Variants in ZFPM2 observed in about 807,000 individuals in gnomAD.
The protein encoded by ZFPM2 is zinc finger protein, FOG family member 2, also known as zinc finger protein ZFPM2.
In ZFPM2, 20 loss-of-function variants were observed where a neutral mutation model predicts 98.6. That is an observed-to-expected ratio of 0.20 (90% CI 0.14 to 0.29). The LOEUF is 0.29. Ranked by LOEUF, ZFPM2 falls within the 10% of genes least tolerant of loss-of-function variation. ZFPM2 has a pLI of 1.00. For synonymous variants in ZFPM2, 518 were observed against 502.7 expected (o/e 1.03, Z -0.41); for missense variants, 1,310 against 1,388.6 (o/e 0.94, Z 0.90).
rs560950514 is a variant in ZFPM2, at chr8:105,664,270, A to G, written c.532+29913A>G. Among the ~76,000 whole-genome samples, 80 of 152,178 alleles carry G rather than the reference A, an allele frequency of 5.3e-4. 1 individual carries two copies. The highest frequency in any genetic ancestry group is 4.5e-3 in the Admixed American group (68 of 15,268). On this transcript the variant is annotated intron_variant, in intron 5 of 7. Coordinates refer to ENST00000407775, the MANE Select transcript of ZFPM2 (RefSeq NM_012082.4). The stretch of plus-strand genomic sequence containing the variant: ...CAAATGCTAACACATTCATTATACC[A>G]TATCAAATAATCACTTTCATTACAC...
chr8:105,436,469 G>A (rs1812121022), intron 2 of ZFPM2, among the ~76,000 whole-genome samples: 1 of 148,210 alleles, frequency 6.7e-6, no homozygotes, highest in Admixed American at 6.8e-5. Flanking sequence ...CCAAGATGGA[G>A]CCATTGCACT....
chr8:105,663,583 G>C (rs1194562495), intron 5 of ZFPM2, among the ~76,000 whole-genome samples: 1 of 152,098 alleles, frequency 6.6e-6, no homozygotes, highest in African/African-American at 2.4e-5. Flanking sequence ...CTACTATTAT[G>C]ATGATATTAC....
At chr8:105,697,173 C>T (rs1213825744) in intron 5 of ZFPM2, among the ~76,000 whole-genome samples, 2 of 151,620 alleles carry the variant, frequency 1.3e-5, no homozygotes, top group African/African-American at 4.8e-5. Flanking sequence ...TTTATAGTTC[C>T]ACTTCTGTCT....
At chr8:105,532,948 G>A (rs988088914) in intron 3 of ZFPM2, among the ~76,000 whole-genome samples, 1 of 151,998 alleles carries the variant, frequency 6.6e-6, no homozygotes, top group Non-Finnish European at 1.5e-5. Flanking sequence ...GGGGTGGCAG[G>A]GAATGTCTGT....
chr8:105,668,374 A>G (rs1191413059), intron 5 of ZFPM2, among the ~76,000 whole-genome samples: 3 of 152,342 alleles, frequency 2.0e-5, no homozygotes, highest in Admixed American at 6.5e-5. Context: ...CTACCTTGCA[A>G]AGTAGCAGTG....
chr8:105,385,002 T>C lies in ZFPM2; in HGVS notation c.41-34142T>C, dbSNP rs146829863. On this transcript the variant is annotated intron_variant, in intron 1 of 7. Coordinates refer to ENST00000407775, the MANE Select transcript of ZFPM2 (RefSeq NM_012082.4). ...AGAGTTATTGTCATTATTGTCTCTG[T>C]TTTATCGATGATTAAACTGAGACCT... 2.0e-3 allele frequency among the ~76,000 whole-genome samples: 311 copies of C among 152,324 alleles called. 1 individual carries two copies. Among genetic ancestry groups the C allele is most frequent in the African/African-American group, 7.1e-3 (296 of 41,580 alleles).
intron 3 of ZFPM2, among the ~76,000 whole-genome samples, chr8:105,453,752 T>C (rs1812531678): frequency 1.3e-5 from 2 of 151,936 alleles, no homozygotes; most frequent in South Asian, 4.1e-4. Context: ...AGTGATTCTC[T>C]TGCGTCAGCC....
intron 3 of ZFPM2, among the ~76,000 whole-genome samples, chr8:105,461,948 A>G (rs1812711475): frequency 6.6e-6 from 1 of 152,242 alleles, no homozygotes; most frequent in Non-Finnish European, 1.5e-5. Context: ...TTTTTCATAC[A>G]ATGAGCTCTT....
At chr8:105,738,175 C>T (rs552226804) in intron 5 of ZFPM2, among the ~76,000 whole-genome samples, 1 of 152,068 alleles carries the variant, frequency 6.6e-6, no homozygotes, top group East Asian at 2.0e-4. Context: ...TCCTCCCACC[C>T]TCAATCCTCT....
intron 4 of ZFPM2, among the ~76,000 whole-genome samples, chr8:105,587,984 A>T (rs1422191386): frequency 6.6e-6 from 1 of 152,184 alleles, no homozygotes; most frequent in Non-Finnish European, 1.5e-5. Context: ...ATGGATTATG[A>T]AAACACGAGC....
At chr8:105,543,211 C>T (rs528646347) in intron 3 of ZFPM2, among the ~76,000 whole-genome samples, 1 of 152,144 alleles carries the variant, frequency 6.6e-6, no homozygotes, top group Non-Finnish European at 1.5e-5. Flanking sequence ...CAAGGCCGGG[C>T]GTGGTAGCTC....
At chr8:105,378,146 A>G (rs1454308642) in intron 1 of ZFPM2, among the ~76,000 whole-genome samples, 3 of 152,200 alleles carry the variant, frequency 2.0e-5, no homozygotes, top group Non-Finnish European at 4.4e-5. Flanking sequence ...AGAAAATTAA[A>G]TGGAAAGAGC....
intron 5 of ZFPM2, among the ~76,000 whole-genome samples, chr8:105,655,485 C>A (rs1159754664): frequency 2.0e-5 from 3 of 152,114 alleles, no homozygotes; most frequent in Non-Finnish European, 4.4e-5. Context: ...CCCACTTCAG[C>A]CTCCCAAAGT....
intron 5 of ZFPM2, among the ~76,000 whole-genome samples, chr8:105,741,163 G>A (rs1812206753): frequency 6.6e-6 from 1 of 152,036 alleles, no homozygotes; most frequent in Admixed American, 6.6e-5. Context: ...GAGGAGCCAA[G>A]GGAAGAAAGT....
intron 1 of ZFPM2, chr8:105,387,634 A>C (rs1424856040): frequency 6.6e-6 from 1 of 152,196 alleles, no homozygotes; most frequent in Non-Finnish European, 1.5e-5. Flanking sequence ...CTGACCCGCA[A>C]GCGCTGTGCG....
At chr8:105,434,374 A>G (rs1812080730) in intron 2 of ZFPM2, among the ~76,000 whole-genome samples, 1 of 152,206 alleles carries the variant, frequency 6.6e-6, no homozygotes, top group African/African-American at 2.4e-5. Context: ...CTATTAAGCA[A>G]AGCAAACACA....
chr8:105,410,730 G>C (rs1285345850), intron 1 of ZFPM2, among the ~76,000 whole-genome samples: 11 of 151,694 alleles, frequency 7.3e-5, no homozygotes, highest in Non-Finnish European at 1.3e-4. Flanking sequence ...GTGTATATGT[G>C]GTATCTCATA....
chr8:105,723,265 T>G (rs1166404753), intron 5 of ZFPM2, among the ~76,000 whole-genome samples: 1 of 151,916 alleles, frequency 6.6e-6, no homozygotes, highest in Non-Finnish European at 1.5e-5. Context: ...CCAGTAGGAA[T>G]TGATTGTTTG....
intron 2 of ZFPM2, among the ~76,000 whole-genome samples, chr8:105,443,510 ATACT>A (rs1812308516): frequency 2.0e-5 from 3 of 152,292 alleles, no homozygotes; most frequent in East Asian, 3.9e-4. Flanking sequence ...AAAGCAGCAC[ATACT>A]TTGTTACATT....
Sources: gnomAD v4.1 joint callset for allele counts (sites outside exome capture counted in the v4.1 genomes callset) on GRCh38, gnomAD v4.1.1 for gene constraint, MANE v1.5 for transcripts, NCBI Gene and HGNC (gene_info 2026-07-23, HGNC 2026-07-21) for gene names.